WNK2: variants seen among roughly 807,000 people sequenced by gnomAD.
WNK2 encodes the protein serine/threonine-protein kinase WNK2.
A neutral mutation model predicts 192.1 loss-of-function variants in WNK2; 67 were observed. The ratio of observed to expected loss-of-function variants is 0.35; its 90% confidence interval spans 0.29 to 0.43. WNK2 has a LOEUF of 0.43. Ranked by LOEUF, WNK2 falls within the 20% of genes least tolerant of loss-of-function variation. The probability of loss-of-function intolerance (pLI) is 1.00; values close to 1 mark genes in which losing one functional copy is unlikely to be tolerated. For synonymous variants in WNK2, 1,439 were observed against 1,393.9 expected, an observed-to-expected ratio of 1.03 and a Z score of -0.72; for missense variants, 2,698 against 3,089.7, an observed-to-expected ratio of 0.87 and a Z score of 3.01.
At chr9:93,235,591 G>A (rs1002028316) in intron 5 of WNK2, among the ~76,000 whole-genome samples, 3 of 152,246 alleles carry the variant, frequency 2.0e-5, no homozygotes, top group African/African-American at 7.2e-5. Context: ...TGGAGGGAAT[G>A]CAAACAGAAC....
At chr9:93,243,257 G>A (rs912220888) in intron 7 of WNK2, among the ~76,000 whole-genome samples, 7 of 152,166 alleles carry the variant, frequency 4.6e-5, no homozygotes, top group Non-Finnish European at 7.4e-5. Context: ...CCAAGACTGC[G>A]ACTCCTCCCT....
chr9:93,234,651 G>A (rs965808823), intron 4 of WNK2, among the ~76,000 whole-genome samples, 157 bp from the exon 5 acceptor site: 2 of 152,232 alleles, frequency 1.3e-5, no homozygotes, highest in African/African-American at 4.8e-5. Context: ...TCCCAAGTGA[G>A]GGGCAGGGCT....
At chr9:93,290,418 A>G (rs147305075) in intron 21 of WNK2, among the ~76,000 whole-genome samples, 7 of 152,074 alleles carry the variant, frequency 4.6e-5, no homozygotes, top group East Asian at 3.9e-4. Flanking sequence ...TCATCTTCCA[A>G]TGTGGTGCAG....
At chr9:93,313,613 G>A (rs1854061428) in intron 28 of WNK2, among the ~76,000 whole-genome samples, 1 of 151,826 alleles carries the variant, frequency 6.6e-6, no homozygotes, top group South Asian at 2.1e-4. Flanking sequence ...TCTCATTATT[G>A]TTTAATTTGC....
chr9:93,300,552 C>T (rs1190347190), intron 26 of WNK2, among the ~76,000 whole-genome samples: 1 of 152,110 alleles, frequency 6.6e-6, no homozygotes, highest in African/African-American at 2.4e-5. Context: ...TACATGTCCG[C>T]TGTCCCCAGT....
intron 2 of WNK2, among the ~76,000 whole-genome samples, chr9:93,196,217 C>G (rs921409150): frequency 6.6e-6 from 1 of 152,064 alleles, no homozygotes; most frequent in Admixed American, 6.5e-5. Context: ...CGGGCTCCCT[C>G]TGGTATTCAC....
chr9:93,253,937 G>A (rs770066269), intron 9 of WNK2, among the ~76,000 whole-genome samples: 4 of 152,174 alleles, frequency 2.6e-5, no homozygotes, highest in Non-Finnish European at 4.4e-5. Context: ...GTTTATTTGA[G>A]ATGGAGTCTT....
intron 2 of WNK2, among the ~76,000 whole-genome samples, chr9:93,196,085 G>C (rs964647473): frequency 3.3e-5 from 5 of 152,194 alleles, no homozygotes; most frequent in African/African-American, 9.7e-5. Flanking sequence ...TGAAGCTCTT[G>C]AAGGGTGCGA....
At chr9:93,319,355 T>C (rs1588686712) in intron 29 of WNK2, 1 of 1,375,934 alleles carries the variant, frequency 7.3e-7, no homozygotes, top group Non-Finnish European at 9.4e-7. Flanking sequence ...CTGCGGGTGC[T>C]GGGCTGGGCT....
At position 93,263,971 on chromosome 9, in the gene WNK2, A is replaced by C; in HGVS notation, c.3634A>C (p.Lys1212Gln). Residue 1212 changes from lysine to glutamine, a missense_variant, in exon 16 of 30, where the codon AAG (lysine) becomes CAG (glutamine). Physicochemically the swap from Lys to Gln is moderately conservative, Grantham distance 53 (BLOSUM62 1). Around this residue, in one of 7 missense-constraint regions of WNK2, gnomAD observed 21 missense variants for 53.2 expected, o/e 0.39. Transcript: ENST00000427277. ...VECQLETHNH[K>Q]MVTFKFDLDG... Reference sequence around the variant, plus strand: ...GTGCCAGCTGGAGACGCACAACCACAAGATGGTGACCTTCAAGTTCGACTT... The same window carrying C: ...GTGCCAGCTGGAGACGCACAACCACCAGATGGTGACCTTCAAGTTCGACTT... 1 of 1,613,576 alleles carries C rather than the reference A, an allele frequency of 6.2e-7. No homozygotes were observed. The highest frequency in any genetic ancestry group is 1.1e-5 in the South Asian group (1 of 91,046).
intron 2 of WNK2, among the ~76,000 whole-genome samples, chr9:93,222,567 G>T (rs899434930): frequency 6.6e-6 from 1 of 152,150 alleles, no homozygotes. Flanking sequence ...GGTCACCGGC[G>T]TCAGGGTCCC....
chr9:93,308,879 GCCCCGCAC>G, intron 28 of WNK2: 1 of 1,296,032 alleles, frequency 7.7e-7, no homozygotes, highest in Non-Finnish European at 9.8e-7. Flanking sequence ...GGCAGCCCAA[GCCCCGCAC>G]TCAGAGCAGG....
At chr9:93,241,684 G>A (rs1189838556) in intron 7 of WNK2, among the ~76,000 whole-genome samples, 5 of 152,202 alleles carry the variant, frequency 3.3e-5, no homozygotes, top group African/African-American at 7.2e-5. Context: ...TTGGGCCCTT[G>A]GAGCCAGGAA....
chr9:93,195,388 C>G (rs146140569), intron 2 of WNK2, among the ~76,000 whole-genome samples: 4 of 152,186 alleles, frequency 2.6e-5, no homozygotes, highest in Admixed American at 2.6e-4. Flanking sequence ...AAAAATGCAA[C>G]AGCTACATTA....
intron 19 of WNK2, 69 bp downstream of exon 19, chr9:93,268,815 C>G: frequency 6.3e-7 from 1 of 1,581,220 alleles, no homozygotes; most frequent in Non-Finnish European, 8.6e-7. Flanking sequence ...GTGCATGACC[C>G]AGCCGGTATG....
chr9:93,262,611 C>T, intron 13 of WNK2, 59 bp from the exon 14 acceptor site: 1 of 1,584,824 alleles, frequency 6.3e-7, no homozygotes, highest in East Asian at 2.2e-5. Context: ...CGTGGCTGTG[C>T]CCACAGGGAG....
At chr9:93,294,923 C>T (rs1464511876) in intron 23 of WNK2, among the ~76,000 whole-genome samples, 1 of 152,170 alleles carries the variant, frequency 6.6e-6, no homozygotes, top group Admixed American at 6.5e-5. Context: ...TTTTCAGCCT[C>T]AACTGGGAAT....
chr9:93,284,601 C>T (rs376670182), intron 19 of WNK2, among the ~76,000 whole-genome samples: 37 of 38,458 alleles, frequency 9.6e-4, no homozygotes, highest in Admixed American at 7.2e-3. Context: ...TGCAGGGGAG[C>T]GGGGGGTGGG....
intron 7 of WNK2, among the ~76,000 whole-genome samples, chr9:93,244,080 C>T (rs557644779): frequency 8.4e-4 from 128 of 152,284 alleles, no homozygotes; most frequent in African/African-American, 2.8e-3. Flanking sequence ...GGTGGCAGAG[C>T]GAGACCCTGT....
Sources: allele counts gnomAD v4.1 joint callset (sites outside exome capture counted in the v4.1 genomes callset), GRCh38; gene constraint gnomAD v4.1.1; regional missense constraint gnomAD v4.1.1; transcripts MANE v1.5; gene names NCBI Gene and HGNC (gene_info 2026-07-23, HGNC 2026-07-21).